TP63: variants seen among roughly 807,000 people sequenced by gnomAD.
TP63 encodes the protein tumor protein 63.
TP63 carries 17 observed loss-of-function variants against 82.8 expected under a neutral mutation model. The observed-to-expected ratio is 0.21, with a 90% CI of 0.14 to 0.31. TP63 has a LOEUF of 0.31. Among genes scored for constraint, TP63 ranks in the 10% least tolerant of loss-of-function variants. TP63 has a pLI of 1.00. For synonymous variants in TP63, 330 were observed against 321.7 expected, an observed-to-expected ratio of 1.03 and a Z score of -0.28; for missense variants, 648 against 895.3, an observed-to-expected ratio of 0.72 and a Z score of 3.52.
At chr3:189,607,105 G>T in the TP63 span, among the ~76,000 whole-genome samples, 25 of 120,148 alleles carry the variant, frequency 2.1e-4, no homozygotes, top group Admixed American at 1.8e-3. Flanking sequence ...CCTGAGAAGG[G>T]TTCTTCAAAA....
Position 189,896,343 on chromosome 3 carries a change from T to A in TP63, c.*1841T>A, listed in dbSNP as rs1721470608. On this transcript the variant is annotated 3_prime_UTR_variant, in exon 14 of 14. Coordinates refer to ENST00000264731, the MANE Select transcript of TP63 (RefSeq NM_003722.5). ...TCCAGAACCACACTTGAAACCTTTT[T>A]TTATCGTTTTTGTATTTTCATGAAA... 1 of 207,930 alleles carries A rather than the reference T, an allele frequency of 4.8e-6. No individual in the cohort carries two copies. Among genetic ancestry groups the A allele is most frequent in the Non-Finnish European group, 9.8e-6 (1 of 101,940 alleles). The allele number at this position is 207,930 out of a possible 1,614,324, so 12.9% of individuals were successfully genotyped here. A position where few individuals can be genotyped will look rare whatever the true frequency, so the allele number is the denominator to read the frequency against.
At chr3:189,853,138 C>T (rs990019515) in intron 4 of TP63, among the ~76,000 whole-genome samples, 1 of 152,220 alleles carries the variant, frequency 6.6e-6, no homozygotes, top group African/African-American at 2.4e-5. Context: ...GTCTAAGCCA[C>T]TCTCATCTTA....
At chr3:189,732,499 A>C (rs1720245376) in intron 1 of TP63, among the ~76,000 whole-genome samples, 2 of 152,220 alleles carry the variant, frequency 1.3e-5, no homozygotes, top group African/African-American at 2.4e-5. Context: ...CTATCTAATC[A>C]GTTTAATTCA....
chr3:189,691,338 C>CAAAAA (rs781098833), intron 1 of TP63, among the ~76,000 whole-genome samples: 357 of 66,796 alleles, frequency 5.3e-3, no homozygotes, highest in Middle Eastern at 8.5e-3. Flanking sequence ...GACTCCATCT[C>CAAAAA]AAAAAAAAAA....
chr3:189,706,342 C>T (rs1433534566), intron 1 of TP63, among the ~76,000 whole-genome samples: 4 of 152,014 alleles, frequency 2.6e-5, no homozygotes, highest in South Asian at 4.1e-4. Flanking sequence ...CTGCAACCTC[C>T]GCCTCCTGGG....
At chr3:189,751,666 T>G (rs1721830703) in intron 3 of TP63, among the ~76,000 whole-genome samples, 1 of 152,168 alleles carries the variant, frequency 6.6e-6, no homozygotes, top group Non-Finnish European at 1.5e-5. Context: ...TTGATGGGGT[T>G]GTTTGTTTTT....
At chr3:189,790,854 ACC>A (rs1725060764) in intron 3 of TP63, among the ~76,000 whole-genome samples, 1 of 152,146 alleles carries the variant, frequency 6.6e-6, no homozygotes, top group Non-Finnish European at 1.5e-5. Context: ...TCCGGTGCAG[ACC>A]GCAAGAGGAA....
At chr3:189,704,101 A>G (rs901301888) in intron 1 of TP63, among the ~76,000 whole-genome samples, 1 of 152,230 alleles carries the variant, frequency 6.6e-6, no homozygotes, top group Non-Finnish European at 1.5e-5. Flanking sequence ...TACTAACCAG[A>G]TACTACCTAC....
At chr3:189,809,151 C>T (rs569528202) in intron 4 of TP63, among the ~76,000 whole-genome samples, 3 of 151,624 alleles carry the variant, frequency 2.0e-5, no homozygotes, top group Non-Finnish European at 4.4e-5. Flanking sequence ...ACATTCTTTT[C>T]GAAAAGAAAG....
intron 3 of TP63, among the ~76,000 whole-genome samples, chr3:189,779,031 C>A (rs1000721585): frequency 6.6e-6 from 1 of 152,026 alleles, no homozygotes; most frequent in African/African-American, 2.4e-5. Flanking sequence ...CCTGACTTTG[C>A]TATGCATTTC....
At chr3:189,817,452 A>G (rs1366603924) in intron 4 of TP63, among the ~76,000 whole-genome samples, 1 of 152,160 alleles carries the variant, frequency 6.6e-6, no homozygotes, top group Non-Finnish European at 1.5e-5. Flanking sequence ...CTCTGTCTGT[A>G]TGTTAAATGA....
chr3:189,620,059 G>A, the TP63 span, among the ~76,000 whole-genome samples: 2 of 152,210 alleles, frequency 1.3e-5, no homozygotes, highest in Non-Finnish European at 2.9e-5. Flanking sequence ...AGCGGAAGAA[G>A]GGGGGCACTT....
intron 12 of TP63, among the ~76,000 whole-genome samples, chr3:189,889,718 A>G (rs1443970420): frequency 6.6e-6 from 1 of 152,190 alleles, no homozygotes; most frequent in African/African-American, 2.4e-5. Flanking sequence ...TATTGTTTTC[A>G]TGTCTGTTTC....
chr3:189,667,134 C>T (rs766923587), intron 1 of TP63, among the ~76,000 whole-genome samples: 8 of 149,474 alleles, frequency 5.4e-5, no homozygotes, highest in Admixed American at 1.3e-4. Context: ...AAGCATAGCA[C>T]GACAGTCCCA....
intron 1 of TP63, among the ~76,000 whole-genome samples, chr3:189,634,674 A>G (rs1314367251): frequency 3.3e-5 from 5 of 152,144 alleles, no homozygotes; most frequent in African/African-American, 9.6e-5. Flanking sequence ...AAATCACATT[A>G]CCATTTGAAT....
chr3:189,869,785 C>G (rs1465339213), intron 9 of TP63, among the ~76,000 whole-genome samples: 1 of 151,346 alleles, frequency 6.6e-6, no homozygotes, highest in Non-Finnish European at 1.5e-5. Context: ...TAAATTACTT[C>G]CCAAAGGACT....
chr3:189,720,777 C>T (rs1216696777), intron 1 of TP63, among the ~76,000 whole-genome samples: 2 of 149,622 alleles, frequency 1.3e-5, no homozygotes, highest in African/African-American at 4.9e-5. Context: ...TGGAGGCTGG[C>T]AGGGAGCAGA....
chr3:189,682,787 G>T (rs1016073996), intron 1 of TP63, among the ~76,000 whole-genome samples: 3 of 151,766 alleles, frequency 2.0e-5, no homozygotes, highest in Non-Finnish European at 4.4e-5. Flanking sequence ...TAGTGCCAGG[G>T]TTCCCTTTAC....
intron 3 of TP63, among the ~76,000 whole-genome samples, chr3:189,757,613 A>G (rs1187853563): frequency 6.6e-6 from 1 of 152,116 alleles, no homozygotes; most frequent in Non-Finnish European, 1.5e-5. Flanking sequence ...GCAGGACAAG[A>G]AAAAAATCTA....
Sources: allele counts gnomAD v4.1 joint callset (sites outside exome capture counted in the v4.1 genomes callset), GRCh38; gene constraint gnomAD v4.1.1; transcripts MANE v1.5; gene names NCBI Gene and HGNC (gene_info 2026-07-23, HGNC 2026-07-21).